The following GOSR2 variants were observed in gnomAD, a reference collection of about 807,000 sequenced individuals.
GOSR2 encodes the protein 27 kDa Golgi SNARE protein.
Under a neutral mutation model 27.9 loss-of-function variants are expected in GOSR2, and 20 were observed. The ratio of observed to expected loss-of-function variants is 0.72; its 90% CI spans 0.50 to 1.04. GOSR2 has a LOEUF of 1.04. Ranked by LOEUF, GOSR2 falls within the 50% of genes least tolerant of loss-of-function variation. The pLI is 0.00. For missense variants in GOSR2, 261 were observed against 270.5 expected, an observed-to-expected ratio of 0.97 and a Z score of 0.25; for synonymous variants, 91 against 98.8, an observed-to-expected ratio of 0.92 and a Z score of 0.47.
chr17:46,940,897 C>G lies in GOSR2; in HGVS notation c.*2137C>G. The G allele has an allele frequency of 7.3e-7, 1 of 1,379,072 alleles. No homozygotes were observed. Among genetic ancestry groups the G allele is most frequent in the Non-Finnish European group, 9.4e-7 (1 of 1,064,188 alleles). The allele number at this position is 1,379,072 out of a possible 1,614,324, so 85.4% of individuals were successfully genotyped here. ...GTTGTCACATGACCACTTCTCTTCA[C>G]ACATCTGCTTTCAGTGCCTGGTGAA... On this transcript the variant is annotated 3_prime_UTR_variant, in exon 6 of 6. Coordinates refer to ENST00000640051, the MANE Select transcript of GOSR2 (RefSeq NM_004287.5).
At chr17:46,950,223 A>G (rs1460775051) in intron 6 of GOSR2, among the ~76,000 whole-genome samples, 1 of 152,118 alleles carries the variant, frequency 6.6e-6, no homozygotes, top group Non-Finnish European at 1.5e-5. Context: ...TCTCGTTCCT[A>G]TCCCTCACCC....
intron 6 of GOSR2, among the ~76,000 whole-genome samples, chr17:46,962,017 G>T (rs1336808405): frequency 6.6e-6 from 1 of 152,168 alleles, no homozygotes; most frequent in African/African-American, 2.4e-5. Context: ...TAAGGGAGTG[G>T]GGCATAGTTG....
chr17:46,957,172 GCAT>G (rs2090772429), intron 6 of GOSR2, among the ~76,000 whole-genome samples: 1 of 152,190 alleles, frequency 6.6e-6, no homozygotes, highest in Admixed American at 6.5e-5. Context: ...AGGCACAGTG[GCAT>G]GTGCCTGTAG....
chr17:46,954,241 G>C (rs921864868), intron 6 of GOSR2, among the ~76,000 whole-genome samples: 9 of 152,312 alleles, frequency 5.9e-5, no homozygotes, highest in Admixed American at 5.2e-4. Flanking sequence ...TCCAGTTTCA[G>C]CTTTCTACAT....
downstream of GOSR2, among the ~76,000 whole-genome samples, chr17:46,942,878 AG>A (rs747800973): frequency 6.6e-5 from 10 of 152,196 alleles, no homozygotes; most frequent in Non-Finnish European, 1.2e-4. Flanking sequence ...TGGGCCCCCA[AG>A]TGCTGTTGGT....
intron 6 of GOSR2, among the ~76,000 whole-genome samples, chr17:46,958,516 A>G (rs1455708337): frequency 6.6e-6 from 1 of 152,236 alleles, no homozygotes; most frequent in African/African-American, 2.4e-5. Flanking sequence ...AGCCACTGGA[A>G]GTAGGATCTG....
intron 4 of GOSR2, among the ~76,000 whole-genome samples, chr17:46,934,428 G>T (rs947439726): frequency 6.6e-6 from 1 of 152,090 alleles, no homozygotes; most frequent in African/African-American, 2.4e-5. Context: ...AGGCTGAGGT[G>T]GGAGAATTGT....
Position 46,940,104 on chromosome 17 carries a change from G to C in GOSR2, c.*1344G>C. On this transcript the variant is annotated 3_prime_UTR_variant, in exon 6 of 6. Transcript: ENST00000640051. ...TTCTGTCTTATTTCCCTTCCTTTCT[G>C]TGTTCCTCTTCACCTCTCTTGTTCC... The C allele has an allele frequency of 8.6e-7, 1 of 1,167,674 alleles. No individual in the cohort carries two copies. The highest frequency in any genetic ancestry group is 1.1e-6 in the Non-Finnish European group (1 of 942,802). The allele number at this position is 1,167,674 out of a possible 1,614,324, so 72.3% of individuals were successfully genotyped here. A position where few individuals can be genotyped will look rare whatever the true frequency, so the allele number is the denominator to read the frequency against.
At chr17:46,925,462 C>T (rs2086357403) in intron 1 of GOSR2, among the ~76,000 whole-genome samples, 1 of 152,222 alleles carries the variant, frequency 6.6e-6, no homozygotes, top group African/African-American at 2.4e-5. Flanking sequence ...GTCTATCTTT[C>T]CTCTCCAGTG....
At chr17:46,975,533 A>T (rs1043206469), downstream of GOSR2, 3 of 152,108 alleles carry the variant, frequency 2.0e-5, no homozygotes, top group African/African-American at 7.3e-5. Context: ...CCCAGTAAAC[A>T]CCCTGCAGGC....
intron 6 of GOSR2, chr17:46,952,523 A>G (rs779391218): frequency 2.6e-5 from 4 of 152,208 alleles, no homozygotes; most frequent in African/African-American, 9.7e-5. Context: ...CAGGTCACCC[A>G]ATTCTGGTCA....
Position 46,939,015 on chromosome 17 carries a change from C to T in GOSR2, c.*255C>T. ...CCCGGGTCTGTCTCTCTCACTCTCGCTCTCACTGGGGGAGGGAAAGAATGG... is the reference window on the plus strand; with the variant it reads ...CCCGGGTCTGTCTCTCTCACTCTCGTTCTCACTGGGGGAGGGAAAGAATGG... On this transcript the variant is annotated 3_prime_UTR_variant, in exon 6 of 6. Transcript: ENST00000640051. The T allele has an allele frequency of 7.5e-7, 1 of 1,327,170 alleles. No homozygotes were observed. The highest frequency in any genetic ancestry group is 2.8e-5 in the Admixed American group (1 of 36,208). The allele number at this position is 1,327,170 out of a possible 1,614,324, so 82.2% of individuals were successfully genotyped here.
chr17:46,931,470 T>A, intron 3 of GOSR2: 3 of 522,998 alleles, frequency 5.7e-6, no homozygotes, highest in Non-Finnish European at 6.8e-6. Context: ...CCAGTTCTGT[T>A]TTTTGACTAG....
chr17:46,952,722 G>A (rs1032735298), intron 6 of GOSR2: 4 of 152,166 alleles, frequency 2.6e-5, no homozygotes, highest in Non-Finnish European at 5.9e-5. Context: ...CAGAGAGAGA[G>A]ACAGAGAAAG....
intron 2 of GOSR2, 151 bp from the exon 3 acceptor site, chr17:46,930,948 T>C: frequency 3.1e-6 from 2 of 642,326 alleles, no homozygotes; most frequent in Non-Finnish European, 5.6e-6. Flanking sequence ...ACTTGAATTT[T>C]TTCTGTTATT....
At chr17:46,953,662 C>T (rs142549053) in intron 6 of GOSR2, among the ~76,000 whole-genome samples, 10,586 of 152,250 alleles carry the variant, frequency 0.07, 526 homozygotes, top group Non-Finnish European at 0.11. Flanking sequence ...ACAGTCCCGC[C>T]AACAGTGTAA....
At chr17:46,944,282 G>T (rs1472974071), downstream of GOSR2, among the ~76,000 whole-genome samples, 1 of 152,256 alleles carries the variant, frequency 6.6e-6, no homozygotes, top group Non-Finnish European at 1.5e-5. Context: ...GCGGCCGGAG[G>T]CTGTGGTAAG....
chr17:46,951,178 G>C (rs1181628793), intron 6 of GOSR2, among the ~76,000 whole-genome samples: 1 of 152,162 alleles, frequency 6.6e-6, no homozygotes, highest in Non-Finnish European at 1.5e-5. Context: ...GCCAGACCAC[G>C]CTGTCCCTAG....
intron 6 of GOSR2, among the ~76,000 whole-genome samples, chr17:46,956,730 G>A (rs938508524): frequency 5.3e-5 from 8 of 152,216 alleles, no homozygotes; most frequent in African/African-American, 1.9e-4. Flanking sequence ...CGTGGCTCCT[G>A]TTGGATGGGA....
Sources: allele counts gnomAD v4.1 joint callset (sites outside exome capture counted in the v4.1 genomes callset), GRCh38; gene constraint gnomAD v4.1.1; transcripts MANE v1.5; gene names NCBI Gene and HGNC (gene_info 2026-07-23, HGNC 2026-07-21).